The following FOLR2 variants were observed in gnomAD, a reference collection of about 807,000 sequenced individuals.
FOLR2 encodes the protein folate receptor beta.
FOLR2 carries 14 observed loss-of-function variants against 20.4 expected under a neutral mutation model. The ratio of observed to expected loss-of-function variants is 0.68; its 90% CI spans 0.45 to 1.07. FOLR2 has a LOEUF of 1.07. FOLR2 is among the 50% of genes least tolerant of loss of function. The pLI is 0.00. For missense variants in FOLR2, 269 were observed against 322.6 expected (o/e 0.83, Z 1.27); for synonymous variants, 114 against 114.3 (o/e 1.00, Z 0.02).
chr11:72,220,275 G>C (rs1469116123), intron 2 of FOLR2, among the ~76,000 whole-genome samples: 1 of 152,178 alleles, frequency 6.6e-6, no homozygotes, highest in Non-Finnish European at 1.5e-5. Context: ...ATTACTCCAT[G>C]GCTCGCTCCC....
At chr11:72,217,485 C>T in intron 1 of FOLR2, 7 of 927,450 alleles carry the variant, frequency 7.5e-6, no homozygotes, top group Non-Finnish European at 1.1e-5. Flanking sequence ...CCATTATCCA[C>T]TCTTTAGTGA....
chr11:72,218,834 C>T (rs1948437008), intron 2 of FOLR2, 100 bp downstream of exon 2: 1 of 985,542 alleles, frequency 1.0e-6, no homozygotes, highest in African/African-American at 1.6e-5. Flanking sequence ...GATACCTCCA[C>T]ATCCTGAAGT....
rs151127290 is a variant in FOLR2, at chr11:72,221,739, C to A, written c.745C>A (p.Leu249Met). Residue 249 changes from leucine to methionine, a missense_variant, in exon 5 of 5, where the codon CTG becomes ATG. Transcript: ENST00000298223. Reference sequence around the variant, plus strand: ...TCTCCTGCTCAGTCTGGCCCTGATGCTGCAACTCTGGCTCCTTGGCTGAGT... The same window carrying A: ...TCTCCTGCTCAGTCTGGCCCTGATGATGCAACTCTGGCTCCTTGGCTGAGT... The part of the protein sequence containing the change: ...GGLLLSLALM[L>M]QLWLLG 8 of 1,613,668 alleles carry A rather than the reference C, an allele frequency of 5.0e-6. No individual in the cohort carries two copies. The South Asian group carries it at 8.8e-5, about 18-fold the overall frequency.
In FOLR2 at chr11:72,218,656, G is replaced by A; in HGVS notation, c.72G>A (p.Arg24=). The change falls in exon 2 of 5, where the codon AGG becomes AGA. Residue 24 remains arginine (R), a synonymous_variant. Coordinates refer to ENST00000298223, the MANE Select transcript of FOLR2 (RefSeq NM_000803.5). ...CCACCATGTGCAGTGCCCAGGACAG[G>A]ACTGATCTCCTCAATGTCTGTATGG... is the stretch of plus-strand genomic sequence containing the variant. ...CVATMCSAQD[R]TDLLNVCMDA... 7 of 1,613,164 alleles carry A rather than the reference G, an allele frequency of 4.3e-6. No individual in the cohort carries two copies. The highest frequency in any genetic ancestry group is 4.2e-6 in the Non-Finnish European group (5 of 1,179,540).
rs200302905 is a variant in FOLR2 at position 72,220,971 on chromosome 11, C to T, written c.252C>T (p.Gly84=). 2.5e-6 allele frequency: 4 copies of T among 1,613,990 alleles called. No homozygotes were observed. Among genetic ancestry groups the T allele is most frequent in the Non-Finnish European group, 3.4e-6 (4 of 1,179,894 alleles). The change falls in exon 3 of 5, where the codon GGC becomes GGT. Residue 84 remains glycine (G), a synonymous_variant. Coordinates refer to ENST00000298223, the MANE Select transcript of FOLR2 (RefSeq NM_000803.5). ...RLYNFNWDHC[G]KMEPACKRHF... is the part of the protein sequence containing the mutation. ...ACAACTTTAACTGGGACCACTGCGGCAAGATGGAGCCCGCCTGCAAGCGCC... is the reference window on the plus strand; with the variant it reads ...ACAACTTTAACTGGGACCACTGCGGTAAGATGGAGCCCGCCTGCAAGCGCC...
intron 2 of FOLR2, among the ~76,000 whole-genome samples, chr11:72,219,008 G>A (rs1332342159): frequency 2.6e-5 from 4 of 152,216 alleles, no homozygotes; most frequent in Non-Finnish European, 5.9e-5. Flanking sequence ...CATATTCCCA[G>A]GGGTTCTTGG....
chr11:72,221,369 C>A, intron 4 of FOLR2, 58 bp downstream of exon 4: 1 of 1,601,762 alleles, frequency 6.2e-7, no homozygotes, highest in Non-Finnish European at 8.5e-7. Flanking sequence ...TTTGGAAAAT[C>A]TTCAAGGATT....
rs562779086 is a variant in FOLR2 at position 72,217,601 on chromosome 11, T to TA, written c.-25+678dup. Among the ~76,000 whole-genome samples, 10 of 152,264 alleles carry TA rather than the reference T, an allele frequency of 6.6e-5. No individual in the cohort carries two copies. The East Asian group carries it at 1.9e-3, about 29-fold the overall frequency. On this transcript the variant is annotated intron_variant, in intron 1 of 4. Transcript: ENST00000298223. Reference sequence around the variant, plus strand: ...TGTTGTTGAGTGCCTTCCAGGACACTAAGTGCTGGTCTGGCTGCTCCAACA... The same window carrying TA: ...TGTTGTTGAGTGCCTTCCAGGACACTAAAGTGCTGGTCTGGCTGCTCCAACA...
chr11:72,217,064 AC>A, intron 1 of FOLR2, 139 bp downstream of exon 1: 1 of 1,004,734 alleles, frequency 1.0e-6, no homozygotes, highest in Non-Finnish European at 1.5e-6. Context: ...TCGCTCTGTC[AC>A]CCAGGCTGGA....
chr11:72,221,067 T>TCGGGGGCCCCCCCCCCCC lies in FOLR2; in HGVS notation c.339+10_339+11insGGGGGCCCCCCCCCCCCC. 1 of 1,570,118 alleles carries TCGGGGGCCCCCCCCCCCC rather than the reference T, an allele frequency of 6.4e-7. No homozygotes were observed. The highest frequency in any genetic ancestry group is 8.7e-7 in the Non-Finnish European group (1 of 1,154,914). On this transcript the variant is annotated intron_variant, in intron 3 of 4. Transcript: ENST00000298223. ...GGCCCTGGATCCAGCAGGTAGGGTGTCTCCCCCCCACCCACCCCAGCAGAC... is the reference window on the plus strand; with the variant it reads ...GGCCCTGGATCCAGCAGGTAGGGTGTCGGGGGCCCCCCCCCCCCCTCCCCCCCACCCACCCCAGCAGAC...
rs773868315 is a variant in FOLR2 at position 72,221,515 on chromosome 11, C to A, written c.521C>A (p.Ser174Tyr). ...GGGGCTCTCTGCCGCACCTTTGAGT[C>A]CTACTTCCCCACTCCAGCTGCCCTT... is the stretch of plus-strand genomic sequence containing the variant. ...PAGALCRTFE[S>Y]YFPTPAALCE... Residue 174 changes from serine to tyrosine, a missense_variant, in exon 5 of 5, where the codon TCC (serine) becomes TAC (tyrosine). Ser to Tyr is a moderately radical substitution (Grantham distance 144, BLOSUM62 -2). Transcript: ENST00000298223. 70 of 1,613,832 alleles carry A rather than the reference C, an allele frequency of 4.3e-5. No individual in the cohort carries two copies. Among genetic ancestry groups the A allele is most frequent in the Non-Finnish European group, 5.3e-5 (63 of 1,179,902 alleles).
rs1263180613 is a variant in FOLR2 at position 72,218,658 on chromosome 11, C to T, written c.74C>T (p.Thr25Ile). ...VATMCSAQDR[T>I]DLLNVCMDAK... ...ACCATGTGCAGTGCCCAGGACAGGA[C>T]TGATCTCCTCAATGTCTGTATGGAT... The change falls in exon 2 of 5, where the codon ACT becomes ATT. Residue 25 changes from threonine (T) to isoleucine (I), a missense_variant. Physicochemically the swap from Thr to Ile is moderately conservative, Grantham distance 89. Coordinates refer to ENST00000298223, the MANE Select transcript of FOLR2 (RefSeq NM_000803.5). 1.6e-5 allele frequency: 26 copies of T among 1,612,998 alleles called. No homozygotes were observed. The highest frequency in any genetic ancestry group is 2.1e-5 in the Non-Finnish European group (25 of 1,179,508).
chr11:72,217,017 T>C (rs1591255103), intron 1 of FOLR2, 92 bp downstream of exon 1: 2 of 1,185,544 alleles, frequency 1.7e-6, no homozygotes, highest in Non-Finnish European at 2.4e-6. Flanking sequence ...TCTTTCTGTA[T>C]TGTATTGTAT....
chr11:72,221,439 A>G, intron 4 of FOLR2, 31 bp from the exon 5 acceptor site: 1 of 1,605,588 alleles, frequency 6.2e-7, no homozygotes, highest in African/African-American at 1.3e-5. Context: ...CAGGGGCTGA[A>G]AGTCTGTGTC....
intron 2 of FOLR2, 90 bp from the exon 3 acceptor site, chr11:72,220,780 G>A (rs1948470945): frequency 6.5e-7 from 1 of 1,534,176 alleles, no homozygotes; most frequent in Non-Finnish European, 8.9e-7. Flanking sequence ...GCCTAGGGCA[G>A]AGGAGTAAGA....
At chr11:72,218,876 G>A (rs890608818) in intron 2 of FOLR2, 142 bp downstream of exon 2, 37 of 716,556 alleles carry the variant, frequency 5.2e-5, no homozygotes, top group Non-Finnish European at 8.4e-5. Context: ...GGTGGAGTAG[G>A]AAGAGTGGCT....
At chr11:72,217,265 C>A in intron 1 of FOLR2, 1 of 740,140 alleles carries the variant, frequency 1.4e-6, no homozygotes, top group Non-Finnish European at 2.1e-6. Flanking sequence ...CCTCAGGATC[C>A]ACCCACCTCG....
chr11:72,218,811 G>A, intron 2 of FOLR2, 77 bp downstream of exon 2: 1 of 1,270,744 alleles, frequency 7.9e-7, no homozygotes, highest in Non-Finnish European at 1.1e-6. Context: ...GTGGGAGAGG[G>A]ATTGAGGGGT....
At chr11:72,221,082 C>A (rs781644219) in intron 3 of FOLR2, 24 bp downstream of exon 3, 12 of 1,484,752 alleles carry the variant, frequency 8.1e-6, no homozygotes, top group Non-Finnish European at 1.1e-5. Context: ...CCCCCACCCA[C>A]CCCAGCAGAC....
Sources: gnomAD v4.1 joint callset for allele counts (sites outside exome capture counted in the v4.1 genomes callset) on GRCh38, gnomAD v4.1.1 for gene constraint, MANE v1.5 for transcripts, NCBI Gene and HGNC (gene_info 2026-07-23, HGNC 2026-07-21) for gene names.